Variants in ATP8A1 observed in about 807,000 individuals in gnomAD.
ATP8A1 encodes the protein phospholipid-transporting ATPase IA.
ATP8A1 carries 90 observed loss-of-function variants against 177.7 expected under a neutral mutation model. The ratio of observed to expected loss-of-function variants is 0.51; its 90% confidence interval spans 0.43 to 0.60. ATP8A1 has a LOEUF of 0.60. Among genes scored for constraint, ATP8A1 ranks in the 20% least tolerant of loss-of-function variants. The pLI is 0.00. For synonymous variants in ATP8A1, 493 were observed against 485.9 expected (o/e 1.01, Z -0.19); for missense variants, 1,072 against 1,392.8 (o/e 0.77, Z 3.67).
chr4:42,547,043 A>G (rs1729006235), intron 19 of ATP8A1, among the ~76,000 whole-genome samples: 1 of 152,136 alleles, frequency 6.6e-6, no homozygotes, highest in Admixed American at 6.5e-5. Flanking sequence ...CTGACTGCCA[A>G]ATTGCTATTT....
At chr4:42,436,777 T>C (rs1716047999) in intron 33 of ATP8A1, among the ~76,000 whole-genome samples, 1 of 152,200 alleles carries the variant, frequency 6.6e-6, no homozygotes, top group Admixed American at 6.5e-5. Flanking sequence ...AGGGTTGGTC[T>C]TAAGACCAAT....
intron 30 of ATP8A1, among the ~76,000 whole-genome samples, chr4:42,447,114 C>G (rs1717359353): frequency 6.6e-6 from 1 of 152,210 alleles, no homozygotes; most frequent in African/African-American, 2.4e-5. Context: ...CTTTGAGGAT[C>G]TGGCTGAGTA....
At position 42,426,463 on chromosome 4, in the gene ATP8A1, C is replaced by T. The variant is rs562190740; in HGVS notation, c.3124-2758G>A. ...CTGTCTCCATGGACCCCAGTTGGAGCAGGTCTGGTGATAGGCCTGGAAGTG... is the reference window on the plus strand; with the variant it reads ...CTGTCTCCATGGACCCCAGTTGGAGTAGGTCTGGTGATAGGCCTGGAAGTG... On this transcript the variant is annotated intron_variant, in intron 33 of 36. Transcript: ENST00000381668. Among the ~76,000 whole-genome samples the T allele has an allele frequency of 2.6e-5, 4 of 152,346 alleles. No individual in the cohort carries two copies. The South Asian group carries it at 8.3e-4, about 32-fold the overall frequency.
At chr4:42,522,050 T>C (rs897701396) in intron 22 of ATP8A1, 110 bp downstream of exon 22, 133 of 1,239,086 alleles carry the variant, frequency 1.1e-4, no homozygotes, top group Non-Finnish European at 1.4e-4. Context: ...TATTCAATAG[T>C]GAATGGTATG....
intron 25 of ATP8A1, among the ~76,000 whole-genome samples, chr4:42,471,658 A>C (rs1263261966): frequency 6.6e-6 from 1 of 152,264 alleles, no homozygotes; most frequent in African/African-American, 2.4e-5. Context: ...GTGTTCACAC[A>C]AGAAAGCTTA....
intron 33 of ATP8A1, among the ~76,000 whole-genome samples, chr4:42,440,925 A>AGTT (rs59472561): frequency 2.0e-5 from 3 of 151,208 alleles, no homozygotes; most frequent in Non-Finnish European, 4.4e-5. Flanking sequence ...GTACATAATT[A>AGTT]ATTATTTAGT....
chr4:42,604,815 T>C (rs868172854), intron 5 of ATP8A1, among the ~76,000 whole-genome samples: 1 of 152,212 alleles, frequency 6.6e-6, no homozygotes, highest in African/African-American at 2.4e-5. Context: ...AAATGTGGTA[T>C]AGCCATTAAA....
intron 7 of ATP8A1, among the ~76,000 whole-genome samples, chr4:42,589,997 A>G (rs1365466665): frequency 6.6e-6 from 1 of 152,192 alleles, no homozygotes; most frequent in African/African-American, 2.4e-5. Flanking sequence ...TTAGGACAGC[A>G]GTTACTGAAG....
intron 7 of ATP8A1, among the ~76,000 whole-genome samples, chr4:42,590,356 A>AT (rs981552617): frequency 2.1e-4 from 32 of 152,310 alleles, no homozygotes; most frequent in African/African-American, 6.0e-4. Context: ...CGCTGGAAGG[A>AT]TTTTACAGAA....
At chr4:42,482,343 A>G (rs1432707287) in intron 25 of ATP8A1, among the ~76,000 whole-genome samples, 3 of 151,850 alleles carry the variant, frequency 2.0e-5, no homozygotes, top group Non-Finnish European at 4.4e-5. Flanking sequence ...ACAAAAAAAA[A>G]AAAGAAAAGA....
intron 11 of ATP8A1, among the ~76,000 whole-genome samples, chr4:42,579,481 A>G (rs1732800038): frequency 6.7e-6 from 1 of 149,842 alleles, no homozygotes; most frequent in South Asian, 2.1e-4. Context: ...CACATGGTCA[A>G]TCTACTTTCT....
intron 25 of ATP8A1, among the ~76,000 whole-genome samples, chr4:42,477,085 G>C (rs1721146369): frequency 6.6e-6 from 1 of 152,182 alleles, no homozygotes. Context: ...TGATGTGAAG[G>C]CTGGGATTAT....
At chr4:42,448,939 G>A (rs995761430) in intron 30 of ATP8A1, among the ~76,000 whole-genome samples, 3 of 141,428 alleles carry the variant, frequency 2.1e-5, no homozygotes, top group Admixed American at 7.7e-5. Flanking sequence ...AGGTTCAAGC[G>A]ATTTTCCTGC....
At chr4:42,434,297 T>C (rs1715659479) in intron 33 of ATP8A1, among the ~76,000 whole-genome samples, 1 of 152,204 alleles carries the variant, frequency 6.6e-6, no homozygotes, top group South Asian at 2.1e-4. Context: ...GTTACACCAT[T>C]CTTACAGATT....
At chr4:42,613,565 TA>T (rs1403596225) in intron 5 of ATP8A1, among the ~76,000 whole-genome samples, 1 of 141,994 alleles carries the variant, frequency 7.0e-6, no homozygotes, top group Non-Finnish European at 1.6e-5. Flanking sequence ...TTTAAACTTG[TA>T]TTTTTTTTTA....
intron 5 of ATP8A1, among the ~76,000 whole-genome samples, chr4:42,603,959 C>CA (rs1388588322): frequency 4.6e-5 from 7 of 152,172 alleles, no homozygotes; most frequent in Non-Finnish European, 1.0e-4. Context: ...TCCCTAGGCT[C>CA]AAAAAATAAA....
intron 25 of ATP8A1, among the ~76,000 whole-genome samples, chr4:42,467,580 C>T (rs1014904846): frequency 3.9e-5 from 6 of 152,160 alleles, no homozygotes; most frequent in Admixed American, 2.0e-4. Context: ...GTAGTCCCAG[C>T]TACTCGGGAA....
rs907327025 is a variant in ATP8A1 at position 42,412,740 on chromosome 4, C to T, written c.*176G>A. 34 of 542,760 alleles carry T rather than the reference C, an allele frequency of 6.3e-5. No homozygotes were observed. The highest frequency in any genetic ancestry group is 8.8e-5 in the Non-Finnish European group (27 of 306,058). The allele number at this position is 542,760 out of a possible 1,614,324, so 33.6% of individuals were successfully genotyped here. A position where few individuals can be genotyped will look rare whatever the true frequency, so the allele number is the denominator to read the frequency against. ...ATCCAAAAGAGATGGTGTTACAGTA[C>T]AGTTGCACAGTGCTTATGTCTATAA... On this transcript the variant is annotated 3_prime_UTR_variant, in exon 37 of 37. Transcript: ENST00000381668.
At chr4:42,483,460 C>G (rs781304415) in intron 25 of ATP8A1, among the ~76,000 whole-genome samples, 4 of 150,462 alleles carry the variant, frequency 2.7e-5, no homozygotes, top group Non-Finnish European at 4.4e-5. Context: ...ATGCATAAAA[C>G]AGAACCGAGG....
Sources: allele counts gnomAD v4.1 joint callset (sites outside exome capture counted in the v4.1 genomes callset), GRCh38; gene constraint gnomAD v4.1.1; transcripts MANE v1.5; gene names NCBI Gene and HGNC (gene_info 2026-07-23, HGNC 2026-07-21).